Variants in SBF2 observed in about 807,000 individuals in gnomAD.
SBF2 encodes the protein myotubularin-related protein 13.
A neutral mutation model predicts 225.2 loss-of-function variants in SBF2; 112 were observed. The observed-to-expected ratio is 0.50, with a 90% CI of 0.43 to 0.58. SBF2 has a LOEUF of 0.58. Among genes scored for constraint, SBF2 ranks in the 20% least tolerant of loss-of-function variants. The probability of loss-of-function intolerance (pLI) is 0.00; values close to 1 mark genes in which losing one functional copy is unlikely to be tolerated. For synonymous variants in SBF2, 763 were observed against 773.3 expected, an observed-to-expected ratio of 0.99 and a Z score of 0.22; for missense variants, 1,996 against 2,206.2, an observed-to-expected ratio of 0.90 and a Z score of 1.91.
chr11:9,806,286 G>A (rs1853841839), intron 32 of SBF2, among the ~76,000 whole-genome samples: 1 of 152,122 alleles, frequency 6.6e-6, no homozygotes, highest in Non-Finnish European at 1.5e-5. Context: ...TCAGAACAGT[G>A]CCTGGCACAT....
intron 2 of SBF2, among the ~76,000 whole-genome samples, chr11:10,172,745 T>C (rs532627664): frequency 6.6e-6 from 1 of 150,556 alleles, no homozygotes; most frequent in South Asian, 2.1e-4. Flanking sequence ...TGGCTCACTG[T>C]AACCTCTGCC....
intron 16 of SBF2, among the ~76,000 whole-genome samples, chr11:9,924,271 A>G (rs536350409): frequency 6.6e-6 from 1 of 152,304 alleles, no homozygotes; most frequent in African/African-American, 2.4e-5. Context: ...AGTATTCAAT[A>G]AATTACATGA....
chr11:10,015,421 G>T (rs1254140112), intron 6 of SBF2, among the ~76,000 whole-genome samples: 1 of 152,202 alleles, frequency 6.6e-6, no homozygotes, highest in Non-Finnish European at 1.5e-5. Context: ...TGGAAGTCCT[G>T]TGATCAAATT....
At chr11:9,803,062 C>T (rs1430048152) in intron 32 of SBF2, among the ~76,000 whole-genome samples, 1 of 152,092 alleles carries the variant, frequency 6.6e-6, no homozygotes, top group African/African-American at 2.4e-5. Context: ...GATTTGAAGT[C>T]ATACTGATAG....
intron 2 of SBF2, among the ~76,000 whole-genome samples, chr11:10,186,234 A>G (rs61892570): frequency 0.11 from 16,207 of 152,236 alleles, 1,018 homozygotes; most frequent in Non-Finnish European, 0.11. Context: ...TACCACTTTC[A>G]CAAGACATTA....
rs143859330 is a variant in SBF2 at position 9,813,516 on chromosome 11, T to A, written c.3979-808A>T. ...TTAATTTTTGCATTTTTAGTAGAGA[T>A]GGGCTTTCACCATGTTGCCCAGGAT... On this transcript the variant is annotated intron_variant, in intron 29 of 39. Transcript: ENST00000256190. 8.6e-3 allele frequency among the ~76,000 whole-genome samples: 1,311 copies of A among 152,250 alleles called. 23 individuals carry two copies. Among genetic ancestry groups the A allele is most frequent in the African/African-American group, 0.029 (1,225 of 41,566 alleles).
intron 2 of SBF2, among the ~76,000 whole-genome samples, chr11:10,164,510 A>ATT (rs1955871855): frequency 1.3e-5 from 2 of 152,180 alleles, no homozygotes; most frequent in African/African-American, 4.8e-5. Context: ...ATAGTCAAAG[A>ATT]CAGTAGCTGA....
chr11:9,879,222 C>T (rs1859537784), intron 17 of SBF2, among the ~76,000 whole-genome samples: 1 of 152,178 alleles, frequency 6.6e-6, no homozygotes, highest in African/African-American at 2.4e-5. Flanking sequence ...AACAGTGCCA[C>T]CTAAGCAAAA....
chr11:10,031,246 C>A, intron 3 of SBF2, 76 bp from the exon 4 acceptor site: 1 of 1,370,778 alleles, frequency 7.3e-7, no homozygotes, highest in East Asian at 2.3e-5. Context: ...TGAATATCAC[C>A]TTAAATATAA....
chr11:9,985,606 C>T (rs749305826), intron 13 of SBF2, among the ~76,000 whole-genome samples: 7 of 151,956 alleles, frequency 4.6e-5, no homozygotes, highest in Non-Finnish European at 1.0e-4. Context: ...TACAGGTGTG[C>T]GACACCACGC....
At chr11:10,190,277 C>T (rs1479453766) in intron 2 of SBF2, among the ~76,000 whole-genome samples, 1 of 152,040 alleles carries the variant, frequency 6.6e-6, no homozygotes, top group Non-Finnish European at 1.5e-5. Context: ...AGATTGTTAA[C>T]CATAGAATGC....
At chr11:9,917,740 C>A (rs1170938487) in intron 16 of SBF2, among the ~76,000 whole-genome samples, 1 of 151,140 alleles carries the variant, frequency 6.6e-6, no homozygotes, top group Admixed American at 6.6e-5. Context: ...GTTAGCGCGA[C>A]CATTTTTGTA....
chr11:10,250,950 C>G (rs540597044), intron 1 of SBF2, among the ~76,000 whole-genome samples: 4 of 152,208 alleles, frequency 2.6e-5, no homozygotes, highest in Non-Finnish European at 5.9e-5. Flanking sequence ...TTAATGTGAA[C>G]AGCTTTTCCT....
chr11:9,935,566 G>T (rs1465730145), intron 16 of SBF2, among the ~76,000 whole-genome samples: 1 of 152,128 alleles, frequency 6.6e-6, no homozygotes, highest in Non-Finnish European at 1.5e-5. Flanking sequence ...ATACTACAAG[G>T]CTACAGTAAC....
chr11:9,986,329 T>C lies in SBF2; in HGVS notation c.1395+3168A>G, dbSNP rs1947196829. On this transcript the variant is annotated intron_variant, in intron 13 of 39. Coordinates refer to ENST00000256190, the MANE Select transcript of SBF2 (RefSeq NM_030962.4). ...AGCCCTAAATGCCTACATCAAAAAG[T>C]CTGAAAGAGCACAAACAGACAATCT... Among the ~76,000 whole-genome samples, 4 of 151,536 alleles carry C rather than the reference T, an allele frequency of 2.6e-5. 1 individual carries two copies. In the South Asian group the frequency reaches 8.3e-4, roughly 32 times the overall value.
chr11:10,077,443 A>C lies in SBF2; in HGVS notation c.142-34462T>G, dbSNP rs1044736393. Among the ~76,000 whole-genome samples, 11 of 152,318 alleles carry C rather than the reference A, an allele frequency of 7.2e-5. No homozygotes were observed. The Middle Eastern group carries it at 0.014, about 188-fold the overall frequency. The stretch of plus-strand genomic sequence containing the variant: ...GTAACCAAAATAATATGGTACTGGT[A>C]CCAAACCACATCTATACACCAATGG... On this transcript the variant is annotated intron_variant, in intron 2 of 39. Coordinates refer to ENST00000256190, the MANE Select transcript of SBF2 (RefSeq NM_030962.4).
At chr11:9,982,201 A>G (rs1443282391) in intron 13 of SBF2, among the ~76,000 whole-genome samples, 1 of 152,194 alleles carries the variant, frequency 6.6e-6, no homozygotes, top group Non-Finnish European at 1.5e-5. Context: ...TGTTCAAAAC[A>G]ATGCAACTCC....
At chr11:10,152,954 G>A (rs904152556) in intron 2 of SBF2, among the ~76,000 whole-genome samples, 3 of 152,210 alleles carry the variant, frequency 2.0e-5, no homozygotes, top group Non-Finnish European at 4.4e-5. Flanking sequence ...AAACATGGCT[G>A]AAATACAGAA....
At chr11:9,958,952 T>A in intron 16 of SBF2, 1 of 707,802 alleles carries the variant, frequency 1.4e-6, no homozygotes, top group Non-Finnish European at 2.6e-6. Context: ...TTCATGGGAA[T>A]GTGGATGTGG....
Sources: gnomAD v4.1 joint callset for allele counts (sites outside exome capture counted in the v4.1 genomes callset) on GRCh38, gnomAD v4.1.1 for gene constraint, MANE v1.5 for transcripts, NCBI Gene and HGNC (gene_info 2026-07-23, HGNC 2026-07-21) for gene names.